VWA5B1: variants seen among roughly 807,000 people sequenced by gnomAD.
VWA5B1 encodes the protein von Willebrand factor A domain containing 5B1.
In VWA5B1, 115 loss-of-function variants were observed where a neutral mutation model predicts 118.2. The observed-to-expected ratio is 0.97, with a 90% CI of 0.84 to 1.14. The LOEUF (loss-of-function observed/expected upper bound fraction) is 1.14, where lower values mean the gene tolerates loss of function less well. VWA5B1 is among the 50% of genes most tolerant of loss of function. The pLI, the probability that VWA5B1 is intolerant of heterozygous loss-of-function variation, is 0.00. For missense variants in VWA5B1, 1,596 were observed against 1,603.8 expected (o/e 1.00, Z 0.08); for synonymous variants, 682 against 658.4 (o/e 1.04, Z -0.55).
At chr1:20,318,148 C>T (rs2089083386) in intron 5 of VWA5B1, among the ~76,000 whole-genome samples, 1 of 151,578 alleles carries the variant, frequency 6.6e-6, no homozygotes, top group South Asian at 2.1e-4. Context: ...TGAAGCTTCT[C>T]CCCACAACCA....
In VWA5B1 at chr1:20,310,575, GGTTCT is replaced by G; in HGVS notation, c.-25_-21del. 1.3e-6 allele frequency: 2 copies of G among 1,504,626 alleles called. No individual in the cohort carries two copies. The highest frequency in any genetic ancestry group is 1.8e-6 in the Non-Finnish European group (2 of 1,125,182). The allele number at this position is 1,504,626 out of a possible 1,614,324, so 93.2% of individuals were successfully genotyped here. A position where few individuals can be genotyped will look rare whatever the true frequency, so the allele number is the denominator to read the frequency against. The stretch of plus-strand genomic sequence containing the variant: ...CTTCCTGCCCTTCCTGTGTCTCACA[GGTTCT>G]GAAGGCTGAGTAGCCAGCGGGATGC... On this transcript the variant is annotated splice_region_variant and 5_prime_UTR_variant, in exon 2 of 22. Transcript: ENST00000289815.
At position 20,332,868 on chromosome 1, in the gene VWA5B1, GC is replaced by G; in HGVS notation, c.1677del (p.Ser560AlafsTer71). ...TTEVLVSPVSASSLFPGERLV... is the reference protein window; with the variant it reads ...TTEVLVSPVSXSSLFPGERLV... ...TGAGGTCCTGGTCTCACCCGTCAGCGCCAGCTCCCTCTTCCCTGGAGAACGG... is the reference window on the plus strand; with the variant it reads ...TGAGGTCCTGGTCTCACCCGTCAGCGCAGCTCCCTCTTCCCTGGAGAACGG... On this transcript the variant is annotated frameshift_variant, in exon 12 of 22. Transcript: ENST00000289815. LOFTEE classifies it high-confidence loss of function. 1 of 1,551,904 alleles carries G rather than the reference GC, an allele frequency of 6.4e-7. No homozygotes were observed. Among genetic ancestry groups the G allele is most frequent in the Non-Finnish European group, 8.7e-7 (1 of 1,147,060 alleles).
chr1:20,343,316 C>A lies in VWA5B1; in HGVS notation c.2549C>A (p.Thr850Asn). 6.5e-7 allele frequency: 1 copy of A among 1,545,150 alleles called. No individual in the cohort carries two copies. The highest frequency in any genetic ancestry group is 8.7e-7 in the Non-Finnish European group (1 of 1,145,898). The change falls in exon 16 of 22, where the codon ACC becomes AAC. Residue 850 changes from threonine (T) to asparagine (N), a missense_variant. Thr to Asn is a moderately conservative substitution (Grantham distance 65). Coordinates refer to ENST00000289815, the MANE Select transcript of VWA5B1 (RefSeq NM_001039500.3). Reference protein sequence around the residue: ...GAQDADLWSETFHHLAARAII... With the variant: ...GAQDADLWSENFHHLAARAII... ...CAGGATGCCGACCTATGGAGCGAGA[C>A]CTTCCACCACCTGGCGGCCCGCGCC...
At chr1:20,335,340 G>A (rs1239568166) in intron 12 of VWA5B1, among the ~76,000 whole-genome samples, 5 of 152,142 alleles carry the variant, frequency 3.3e-5, no homozygotes, top group Non-Finnish European at 7.3e-5. Context: ...AGTAATAGTT[G>A]AAATGCAGAA....
At chr1:20,319,941 G>A (rs12061079) in intron 7 of VWA5B1, among the ~76,000 whole-genome samples, 1 of 151,076 alleles carries the variant, frequency 6.6e-6, no homozygotes. Flanking sequence ...AAGGACAAAG[G>A]CAGAGTGGGG....
chr1:20,328,231 AT>A (rs1440675993), intron 9 of VWA5B1, among the ~76,000 whole-genome samples: 1 of 151,258 alleles, frequency 6.6e-6, no homozygotes, highest in Non-Finnish European at 1.5e-5. Context: ...GAATCAAACA[AT>A]ATTTTGGGCA....
chr1:20,318,550 T>A, intron 5 of VWA5B1, 40 bp from the exon 6 acceptor site: 1 of 1,549,876 alleles, frequency 6.5e-7, no homozygotes, highest in Non-Finnish European at 8.7e-7. Context: ...TCTCCTGACC[T>A]CATGAGCCTA....
intron 8 of VWA5B1, among the ~76,000 whole-genome samples, chr1:20,326,377 G>T (rs987370391): frequency 6.6e-6 from 1 of 151,884 alleles, no homozygotes; most frequent in African/African-American, 2.4e-5. Context: ...CAAGATGGGG[G>T]ACATGGGGGT....
chr1:20,292,356 T>A (rs908341218), intron 1 of VWA5B1, among the ~76,000 whole-genome samples: 10 of 151,668 alleles, frequency 6.6e-5, no homozygotes, highest in Non-Finnish European at 1.3e-4. Flanking sequence ...TGGGAAGAGG[T>A]GGTGAGGCCA....
intron 14 of VWA5B1, chr1:20,338,122 G>T: frequency 3.5e-6 from 2 of 563,618 alleles, no homozygotes; most frequent in Non-Finnish European, 6.7e-6. Flanking sequence ...AGACCTGGGG[G>T]AGGAGAGAGT....
chr1:20,317,483 T>G, intron 4 of VWA5B1, 47 bp from the exon 5 acceptor site: 1 of 1,542,522 alleles, frequency 6.5e-7, no homozygotes, highest in East Asian at 2.4e-5. Flanking sequence ...CTGGACCCCT[T>G]CTTCCACCCT....
chr1:20,309,972 G>A (rs948152873), intron 1 of VWA5B1, among the ~76,000 whole-genome samples: 1 of 150,968 alleles, frequency 6.6e-6, no homozygotes, highest in East Asian at 2.0e-4. Context: ...GCGTGGGGGT[G>A]GGGGGTGGTG....
chr1:20,299,535 C>T (rs1239957495), intron 1 of VWA5B1, among the ~76,000 whole-genome samples: 2 of 152,196 alleles, frequency 1.3e-5, no homozygotes, highest in African/African-American at 4.8e-5. Flanking sequence ...TCCCAAGTAG[C>T]TGGGACTACA....
intron 1 of VWA5B1, among the ~76,000 whole-genome samples, chr1:20,310,175 G>A (rs2088804389): frequency 6.6e-6 from 1 of 152,100 alleles, no homozygotes; most frequent in Admixed American, 6.6e-5. Flanking sequence ...CAACATCTGA[G>A]GCTTAGAGAT....
At chr1:20,296,895 G>A (rs1214336542) in intron 1 of VWA5B1, among the ~76,000 whole-genome samples, 1 of 152,228 alleles carries the variant, frequency 6.6e-6, no homozygotes. Context: ...TGCTTGTAGA[G>A]TTTATGAATG....
chr1:20,312,653 G>T (rs1348248066), intron 2 of VWA5B1, among the ~76,000 whole-genome samples, 183 bp from the exon 3 acceptor site: 1 of 152,214 alleles, frequency 6.6e-6, no homozygotes, highest in Admixed American at 6.5e-5. Flanking sequence ...CTGCCGCTGT[G>T]CTTACCCACC....
intron 18 of VWA5B1, among the ~76,000 whole-genome samples, chr1:20,349,787 C>T (rs1381011866): frequency 6.9e-6 from 1 of 145,088 alleles, no homozygotes; most frequent in Non-Finnish European, 1.5e-5. Flanking sequence ...CTTTACTAAG[C>T]ACTTAGCAAT....
chr1:20,317,528 AGCAAAGACAG>A lies in VWA5B1; in HGVS notation c.566_575del (p.Lys189ThrfsTer20). The stretch of plus-strand genomic sequence containing the variant: ...CCTTTCCTTCCCCCGGCCCTTTTCC[AGCAAAGACAG>A]GCACTGCTTCGGTGCCTGGGCCCCG... On this transcript the variant is annotated splice_acceptor_variant and coding_sequence_variant, in exon 5 of 22. Transcript: ENST00000289815. LOFTEE classifies it high-confidence loss of function. 1.3e-6 allele frequency: 2 copies of A among 1,550,974 alleles called. No homozygotes were observed. Among genetic ancestry groups the A allele is most frequent in the Non-Finnish European group, 1.7e-6 (2 of 1,146,724 alleles).
intron 4 of VWA5B1, 150 bp from the exon 5 acceptor site, chr1:20,317,380 T>TG: frequency 2.8e-6 from 3 of 1,068,166 alleles, no homozygotes; most frequent in Non-Finnish European, 3.9e-6. Context: ...AGGCTCTCCC[T>TG]GGGGTCAGGT....
Sources: gnomAD v4.1 joint callset for allele counts (sites outside exome capture counted in the v4.1 genomes callset) on GRCh38, gnomAD v4.1.1 for gene constraint, MANE v1.5 for transcripts, NCBI Gene and HGNC (gene_info 2026-07-23, HGNC 2026-07-21) for gene names.